SLC75A1: variants seen among roughly 807,000 people sequenced by gnomAD.
SLC75A1 encodes major facilitator superfamily domain containing 10.
the SLC75A1 span, chr4:2,932,528 C>T: frequency 1.2e-6 from 2 of 1,613,352 alleles, no homozygotes; most frequent in East Asian, 4.5e-5. Context: ...GAAAAGACCA[C>T]CCGAGCTGCA....
the SLC75A1 span, chr4:2,932,387 G>A: frequency 7.4e-6 from 12 of 1,613,602 alleles, no homozygotes; most frequent in Non-Finnish European, 9.3e-6. Flanking sequence ...GCAGGAAGCA[G>A]AAGATGAACA....
At chr4:2,933,915 C>A in the SLC75A1 span, 1 of 1,564,210 alleles carries the variant, frequency 6.4e-7, no homozygotes, top group African/African-American at 1.4e-5. Flanking sequence ...CACCCCCTCC[C>A]CATCCCATGG....
At chr4:2,932,279 A>G in the SLC75A1 span, 4 of 1,534,146 alleles carry the variant, frequency 2.6e-6, no homozygotes, top group Admixed American at 2.0e-5. Context: ...GCTGGCACAC[A>G]GGGGCACTTT....
chr4:2,932,350 C>A, the SLC75A1 span: 4 of 1,612,210 alleles, frequency 2.5e-6, no homozygotes, highest in East Asian at 4.5e-5. Flanking sequence ...CACAGCCCTA[C>A]CCGTTTCTCC....
the SLC75A1 span, chr4:2,931,269 C>A: frequency 6.4e-7 from 1 of 1,557,002 alleles, no homozygotes; most frequent in Non-Finnish European, 8.7e-7. Context: ...ACCACAACGG[C>A]GGCGGCTGGT....
the SLC75A1 span, chr4:2,933,328 A>T: frequency 1.9e-6 from 2 of 1,072,770 alleles, no homozygotes. Context: ...CCCTACACTC[A>T]CAGGCCATGG....
At chr4:2,932,484 C>G in the SLC75A1 span, 1 of 1,613,746 alleles carries the variant, frequency 6.2e-7, no homozygotes, top group Non-Finnish European at 8.5e-7. Flanking sequence ...CAGGGTGAAG[C>G]CCAGTGAGAA....
chr4:2,933,160 G>A, the SLC75A1 span: 13 of 1,613,636 alleles, frequency 8.1e-6, no homozygotes, highest in Middle Eastern at 1.6e-4. Context: ...TGGCCCCAGT[G>A]AGTGGCGCAC....
the SLC75A1 span, chr4:2,934,102 G>A: frequency 1.5e-6 from 1 of 669,316 alleles, no homozygotes; most frequent in East Asian, 2.7e-5. Flanking sequence ...CGATGCCCCC[G>A]CCCCGAACCC....
chr4:2,932,667 C>T, the SLC75A1 span: 2 of 1,611,462 alleles, frequency 1.2e-6, no homozygotes, highest in African/African-American at 1.3e-5. Flanking sequence ...GCTGACGTTC[C>T]CTTTGCTGAT....
chr4:2,930,582 C>CTTTA, the SLC75A1 span: 1 of 560,092 alleles, frequency 1.8e-6, no homozygotes, highest in East Asian at 3.1e-5. Flanking sequence ...CAAACAGGTG[C>CTTTA]TTTATTTCAT....
chr4:2,932,797 T>C, the SLC75A1 span: 4 of 1,530,486 alleles, frequency 2.6e-6, no homozygotes, highest in Non-Finnish European at 8.7e-7. Context: ...GGGCGGTCGC[T>C]TAAGGCCAGG....
the SLC75A1 span, chr4:2,931,366 G>T: frequency 3.9e-6 from 6 of 1,547,804 alleles, no homozygotes; most frequent in Non-Finnish European, 5.2e-6. Flanking sequence ...CCAGGGCAGG[G>T]CCACTCACCA....
chr4:2,930,921 T>C, the SLC75A1 span: 1 of 1,612,868 alleles, frequency 6.2e-7, no homozygotes, highest in African/African-American at 1.3e-5. Context: ...GACCACGTGG[T>C]GAAGCAGGCC....
At chr4:2,933,576 G>C in the SLC75A1 span, 1 of 1,613,834 alleles carries the variant, frequency 6.2e-7, no homozygotes, top group East Asian at 2.2e-5. Context: ...CCTCCGAACA[G>C]GACACTGTTG....
At chr4:2,931,752 GA>G in the SLC75A1 span, 16 of 1,541,220 alleles carry the variant, frequency 1.0e-5, no homozygotes, top group Non-Finnish European at 1.4e-5. Flanking sequence ...GCTTCCTGGG[GA>G]TGGGGGTTGC....
the SLC75A1 span, chr4:2,933,876 G>C: frequency 6.3e-7 from 1 of 1,582,308 alleles, no homozygotes; most frequent in Non-Finnish European, 8.6e-7. Flanking sequence ...GCGGCTGCTG[G>C]TGGATGGGTG....
the SLC75A1 span, chr4:2,932,713 A>G: frequency 6.2e-7 from 1 of 1,600,160 alleles, no homozygotes. Flanking sequence ...AAGGCCGCAA[A>G]GCTCCGAGAG....
chr4:2,931,502 C>T, the SLC75A1 span: 1 of 1,590,662 alleles, frequency 6.3e-7, no homozygotes, highest in Non-Finnish European at 8.6e-7. Flanking sequence ...ACAGCCCGTG[C>T]CCTGCAGGAC....
Sources: allele counts gnomAD v4.1 joint callset, GRCh38; gene constraint gnomAD v4.1.1; transcripts MANE v1.5; gene names NCBI Gene and HGNC (gene_info 2026-07-23, HGNC 2026-07-21).